The following CNTN5 variants were observed in gnomAD, a reference collection of about 807,000 sequenced individuals.
The protein encoded by CNTN5 is contactin-5.
CNTN5 carries 77 observed loss-of-function variants against 129.1 expected under a neutral mutation model. The observed-to-expected ratio is 0.60, with a 90% CI of 0.50 to 0.72. CNTN5 has a LOEUF of 0.72. Ranked by LOEUF, CNTN5 falls within the 30% of genes least tolerant of loss-of-function variation. The pLI is 0.00. For synonymous variants in CNTN5, 509 were observed against 465.6 expected, an observed-to-expected ratio of 1.09 and a Z score of -1.20; for missense variants, 1,478 against 1,328.8, an observed-to-expected ratio of 1.11 and a Z score of -1.75.
At chr11:99,491,380 G>A (rs553671534) in intron 2 of CNTN5, among the ~76,000 whole-genome samples, 1 of 152,008 alleles carries the variant, frequency 6.6e-6, no homozygotes, top group Non-Finnish European at 1.5e-5. Context: ...GACTAAAGGC[G>A]AATTGATTAT....
intron 16 of CNTN5, among the ~76,000 whole-genome samples, chr11:100,250,267 G>A (rs182936638): frequency 5.3e-5 from 8 of 151,848 alleles, no homozygotes; most frequent in Admixed American, 2.0e-4. Context: ...AACTTAAATC[G>A]CATCTCCGTC....
At chr11:99,761,247 T>C (rs962472741) in intron 3 of CNTN5, among the ~76,000 whole-genome samples, 5 of 151,964 alleles carry the variant, frequency 3.3e-5, no homozygotes, top group African/African-American at 7.3e-5. Context: ...GTTTCTGTAT[T>C]AGTTTTTTTT....
chr11:99,034,676 C>G (rs1228135185), intron 1 of CNTN5, among the ~76,000 whole-genome samples: 2 of 152,050 alleles, frequency 1.3e-5, no homozygotes, highest in African/African-American at 4.8e-5. Flanking sequence ...CTTTATTAGT[C>G]TTGCTAGCAG....
intron 3 of CNTN5, among the ~76,000 whole-genome samples, chr11:99,650,700 C>T (rs1374168147): frequency 6.6e-6 from 1 of 151,850 alleles, no homozygotes; most frequent in East Asian, 1.9e-4. Context: ...TTGTGTGATC[C>T]TTCTACTACA....
intron 1 of CNTN5, among the ~76,000 whole-genome samples, chr11:99,270,229 C>G (rs1482448535): frequency 6.6e-6 from 1 of 151,750 alleles, no homozygotes; most frequent in South Asian, 2.1e-4. Context: ...TTGAGTAATA[C>G]ATGTATTAAG....
intron 17 of CNTN5, among the ~76,000 whole-genome samples, chr11:100,270,760 G>A (rs1231070330): frequency 1.3e-5 from 2 of 152,180 alleles, no homozygotes; most frequent in African/African-American, 2.4e-5. Flanking sequence ...GAAAATGAAA[G>A]AAAACTGTTT....
At chr11:100,313,120 C>T (rs555692806) in intron 21 of CNTN5, among the ~76,000 whole-genome samples, 41 of 151,784 alleles carry the variant, frequency 2.7e-4, no homozygotes, top group African/African-American at 9.7e-4. Flanking sequence ...ATTTGAAGTG[C>T]AGTAGAAAGC....
chr11:100,113,078 T>C (rs898785867), intron 13 of CNTN5, among the ~76,000 whole-genome samples: 1 of 151,616 alleles, frequency 6.6e-6, no homozygotes, highest in Non-Finnish European at 1.5e-5. Flanking sequence ...GAGTCTTTCA[T>C]TATGGAAGTC....
At chr11:100,303,890 C>T (rs534116984) in intron 20 of CNTN5, among the ~76,000 whole-genome samples, 1 of 151,646 alleles carries the variant, frequency 6.6e-6, no homozygotes, top group African/African-American at 2.4e-5. Context: ...TGGATTAGTG[C>T]CTATAAAAGT....
chr11:100,243,492 C>T (rs906229088), intron 16 of CNTN5, among the ~76,000 whole-genome samples: 38 of 152,190 alleles, frequency 2.5e-4, no homozygotes, highest in Non-Finnish European at 4.1e-4. Context: ...TCTACTTCAT[C>T]AGGTGCTGCT....
At chr11:99,438,887 C>T (rs1201220122) in intron 2 of CNTN5, among the ~76,000 whole-genome samples, 4 of 152,164 alleles carry the variant, frequency 2.6e-5, no homozygotes, top group Non-Finnish European at 5.9e-5. Context: ...CACTTACACA[C>T]AAAGTCAAAA....
At chr11:100,066,521 T>C (rs1943701666) in intron 10 of CNTN5, among the ~76,000 whole-genome samples, 1 of 152,126 alleles carries the variant, frequency 6.6e-6, no homozygotes, top group Non-Finnish European at 1.5e-5. Context: ...TTTTATAAAA[T>C]GTAACCCAGA....
At chr11:100,210,235 C>G (rs963211831) in intron 15 of CNTN5, among the ~76,000 whole-genome samples, 17 of 150,416 alleles carry the variant, frequency 1.1e-4, no homozygotes, top group East Asian at 1.9e-4. Flanking sequence ...ATCTGTAGTC[C>G]CAGCTACAAG....
intron 9 of CNTN5, among the ~76,000 whole-genome samples, chr11:100,019,559 G>GTA: frequency 6.6e-6 from 1 of 151,814 alleles, no homozygotes; most frequent in East Asian, 1.9e-4. Context: ...ATTCCATTAT[G>GTA]TATATATATC....
intron 3 of CNTN5, among the ~76,000 whole-genome samples, chr11:99,674,247 T>C (rs1413226351): frequency 6.6e-6 from 1 of 152,168 alleles, no homozygotes; most frequent in Non-Finnish European, 1.5e-5. Flanking sequence ...GCTGGCTGCA[T>C]ATATGCCTTC....
chr11:100,034,587 A>G (rs1026319351), intron 9 of CNTN5, among the ~76,000 whole-genome samples: 3 of 152,134 alleles, frequency 2.0e-5, no homozygotes, highest in Non-Finnish European at 2.9e-5. Context: ...AGTCTTACAA[A>G]CTGTGCACCA....
At chr11:99,947,810 A>C (rs1950585292) in intron 7 of CNTN5, among the ~76,000 whole-genome samples, 1 of 152,212 alleles carries the variant, frequency 6.6e-6, no homozygotes, top group Admixed American at 6.5e-5. Context: ...TAAATCTTCA[A>C]ATTTTCACCA....
At chr11:100,082,288 T>C (rs911406077) in intron 13 of CNTN5, among the ~76,000 whole-genome samples, 12 of 152,096 alleles carry the variant, frequency 7.9e-5, no homozygotes, top group Admixed American at 6.6e-4. Context: ...GCATTGTAGG[T>C]TTGCTTTTAT....
intron 2 of CNTN5, among the ~76,000 whole-genome samples, chr11:99,372,190 T>C (rs535132950): frequency 1.3e-5 from 2 of 152,350 alleles, no homozygotes; most frequent in African/African-American, 4.8e-5. Context: ...GAACATTTAA[T>C]CAAAAAGCTT....
Sources: allele counts gnomAD v4.1 joint callset (sites outside exome capture counted in the v4.1 genomes callset), GRCh38; gene constraint gnomAD v4.1.1; transcripts MANE v1.5; gene names NCBI Gene and HGNC (gene_info 2026-07-23, HGNC 2026-07-21).